SPEF2: variants seen among roughly 807,000 people sequenced by gnomAD.
The protein encoded by SPEF2 is sperm flagellar and cilia associated 2, also known as sperm flagella and cilia-associated protein 2.
SPEF2 carries 187 observed loss-of-function variants against 224.6 expected under a neutral mutation model. That is an observed-to-expected ratio of 0.83 (90% confidence interval 0.74 to 0.94). The LOEUF (loss-of-function observed/expected upper bound fraction) is 0.94. SPEF2 is among the 40% of genes least tolerant of loss of function. The probability of loss-of-function intolerance (pLI) is 0.00; values close to 1 mark genes in which losing one functional copy is unlikely to be tolerated. For missense variants in SPEF2, 2,170 were observed against 2,135.6 expected, an observed-to-expected ratio of 1.02 and a Z score of -0.32; for synonymous variants, 715 against 707.3, an observed-to-expected ratio of 1.01 and a Z score of -0.17.
chr5:35,664,448 T>G (rs1750166165), intron 8 of SPEF2, among the ~76,000 whole-genome samples: 1 of 151,874 alleles, frequency 6.6e-6, no homozygotes, highest in Non-Finnish European at 1.5e-5. Flanking sequence ...CCCACCACTT[T>G]GGGAGGCCAA....
intron 12 of SPEF2, among the ~76,000 whole-genome samples, chr5:35,693,914 T>C (rs1322341489): frequency 6.6e-6 from 1 of 152,186 alleles, no homozygotes; most frequent in Non-Finnish European, 1.5e-5. Flanking sequence ...TTTAAAAAAA[T>C]TACCTTATGG....
chr5:35,734,709 C>CTT (rs869188623), intron 21 of SPEF2, among the ~76,000 whole-genome samples: 10 of 31,202 alleles, frequency 3.2e-4, no homozygotes, highest in African/African-American at 6.5e-4. Context: ...TCTTTTTTTT[C>CTT]TTTTTTTTTT....
chr5:35,718,324 A>G (rs1029489476), intron 20 of SPEF2, among the ~76,000 whole-genome samples: 1 of 152,164 alleles, frequency 6.6e-6, no homozygotes, highest in African/African-American at 2.4e-5. Context: ...GCAATTACCT[A>G]TCTGTGAAGA....
intron 23 of SPEF2, among the ~76,000 whole-genome samples, chr5:35,751,065 ATG>A (rs1491387916): frequency 0.014 from 463 of 33,402 alleles, 27 homozygotes; most frequent in African/African-American, 0.03. Flanking sequence ...ACGTATATAT[ATG>A]TATATATATA....
intron 9 of SPEF2, among the ~76,000 whole-genome samples, chr5:35,668,019 C>T (rs1377463702): frequency 6.6e-6 from 1 of 152,074 alleles, no homozygotes; most frequent in Non-Finnish European, 1.5e-5. Flanking sequence ...ACACCAAATA[C>T]TGGCAAGGAT....
chr5:35,645,974 T>C (rs746114590), intron 4 of SPEF2, among the ~76,000 whole-genome samples: 9 of 152,318 alleles, frequency 5.9e-5, no homozygotes, highest in Non-Finnish European at 1.3e-4. Flanking sequence ...TATAATGTAT[T>C]AGTAGTAAAG....
chr5:35,751,066 T>TACGTATATATATATACGTATATATATGC (rs70973059), intron 23 of SPEF2, among the ~76,000 whole-genome samples: 1 of 32,526 alleles, frequency 3.1e-5, no homozygotes, highest in African/African-American at 1.0e-4. Flanking sequence ...CGTATATATA[T>TACGTATATATATATACGTATATATATGC]GTATATATAT....
chr5:35,727,933 T>C, intron 21 of SPEF2, 110 bp downstream of exon 21: 1 of 1,154,126 alleles, frequency 8.7e-7, no homozygotes, highest in Non-Finnish European at 1.2e-6. Context: ...AGGTAATATA[T>C]ATCTATCCAT....
intron 34 of SPEF2, among the ~76,000 whole-genome samples, 177 bp downstream of exon 34, chr5:35,800,324 G>A (rs1757253128): frequency 6.6e-6 from 1 of 152,018 alleles, no homozygotes; most frequent in South Asian, 2.1e-4. Flanking sequence ...AAGACCTGGG[G>A]ACCCAATTGC....
chr5:35,625,596 G>A (rs1744124005), intron 1 of SPEF2, among the ~76,000 whole-genome samples: 1 of 152,182 alleles, frequency 6.6e-6, no homozygotes, highest in African/African-American at 2.4e-5. Flanking sequence ...GACCCTGATG[G>A]CGTAGGAATA....
intron 24 of SPEF2, among the ~76,000 whole-genome samples, chr5:35,754,886 G>A (rs985330902): frequency 2.6e-5 from 4 of 152,174 alleles, no homozygotes; most frequent in African/African-American, 9.7e-5. Flanking sequence ...TACTTATCTG[G>A]CAATCCCTAC....
chr5:35,787,378 CT>C (rs1380810861), intron 30 of SPEF2, among the ~76,000 whole-genome samples: 3 of 151,742 alleles, frequency 2.0e-5, no homozygotes, highest in Non-Finnish European at 2.9e-5. Flanking sequence ...ACCATGTATG[CT>C]CTATTATTCC....
At chr5:35,789,618 C>G (rs1302033269) in intron 30 of SPEF2, 1 of 632,682 alleles carries the variant, frequency 1.6e-6, no homozygotes, top group Non-Finnish European at 2.8e-6. Context: ...CAAGAGACTT[C>G]AAGGCTGTTT....
At chr5:35,718,262 T>C (rs1742973119) in intron 20 of SPEF2, among the ~76,000 whole-genome samples, 1 of 151,966 alleles carries the variant, frequency 6.6e-6, no homozygotes, top group African/African-American at 2.4e-5. Context: ...GGAAATAAAC[T>C]CTTTCAAGTT....
intron 12 of SPEF2, 97 bp downstream of exon 12, chr5:35,692,821 CT>C: frequency 9.0e-7 from 1 of 1,112,672 alleles, no homozygotes; most frequent in South Asian, 2.0e-5. Flanking sequence ...GAAGTTTCTT[CT>C]GTACAGACCC....
intron 21 of SPEF2, among the ~76,000 whole-genome samples, chr5:35,735,639 T>C (rs1326058674): frequency 2.6e-5 from 4 of 152,198 alleles, no homozygotes; most frequent in Non-Finnish European, 5.9e-5. Flanking sequence ...CCATGTGTAA[T>C]TCCCTGAGTG....
intron 5 of SPEF2, among the ~76,000 whole-genome samples, chr5:35,649,035 A>G (rs1246256540): frequency 6.6e-6 from 1 of 151,916 alleles, no homozygotes; most frequent in Admixed American, 6.6e-5. Context: ...AAAGAAAGAA[A>G]AAAGAAAAGG....
chr5:35,796,074 A>G (rs1756621000), intron 33 of SPEF2, among the ~76,000 whole-genome samples: 1 of 152,212 alleles, frequency 6.6e-6, no homozygotes, highest in African/African-American at 2.4e-5. Context: ...TCGTCTGTCA[A>G]ATAAGCTAAG....
intron 8 of SPEF2, among the ~76,000 whole-genome samples, chr5:35,659,723 G>T (rs964679756): frequency 1.3e-5 from 2 of 151,978 alleles, no homozygotes; most frequent in African/African-American, 4.8e-5. Flanking sequence ...AGTTCCTTGA[G>T]TCATTACTTT....
Sources: allele counts gnomAD v4.1 joint callset (sites outside exome capture counted in the v4.1 genomes callset), GRCh38; gene constraint gnomAD v4.1.1; transcripts MANE v1.5; gene names NCBI Gene and HGNC (gene_info 2026-07-23, HGNC 2026-07-21).